Variants in PLAC9 observed in about 807,000 individuals in gnomAD.
PLAC9 encodes the protein placenta-specific protein 9.
Under a neutral mutation model 11.5 loss-of-function variants are expected in PLAC9, and 12 were observed. The ratio of observed to expected loss-of-function variants is 1.05; its 90% CI spans 0.67 to 1.69. The LOEUF (loss-of-function observed/expected upper bound fraction) is 1.69. Ranked by LOEUF, PLAC9 falls within the 40% of genes most tolerant of loss-of-function variation. The pLI is 0.00. For missense variants in PLAC9, 132 were observed against 130.5 expected (o/e 1.01, Z -0.06); for synonymous variants, 62 against 58.1 (o/e 1.07, Z -0.31).
intron 2 of PLAC9, among the ~76,000 whole-genome samples, chr10:80,143,415 T>TTTTTTTTTG (rs71034289): frequency 2.9e-5 from 2 of 70,156 alleles, no homozygotes; most frequent in African/African-American, 9.8e-5. Context: ...TTTTTTTTTT[T>TTTTTTTTTG]GAGGCAGAGT....
chr10:80,133,875 C>T (rs550045669), intron 1 of PLAC9, among the ~76,000 whole-genome samples: 120 of 143,140 alleles, frequency 8.4e-4, no homozygotes, highest in African/African-American at 2.9e-3. Context: ...ACCTGGGAGG[C>T]GGAGGTTGCA....
intron 1 of PLAC9, among the ~76,000 whole-genome samples, chr10:80,138,439 A>C (rs3851052): frequency 0.14 from 21,917 of 152,116 alleles, 2,842 homozygotes; most frequent in African/African-American, 0.35. Flanking sequence ...TTTGAAGAGT[A>C]TTTTCTAAGT....
intron 1 of PLAC9, among the ~76,000 whole-genome samples, chr10:80,140,323 C>T (rs572169359): frequency 1.5e-4 from 23 of 152,334 alleles, no homozygotes; most frequent in African/African-American, 5.3e-4. Flanking sequence ...CAAGTTTCCA[C>T]CCCCAACCTC....
At chr10:80,144,808 G>C in intron 3 of PLAC9, 92 bp from the exon 4 acceptor site, 1 of 1,313,322 alleles carries the variant, frequency 7.6e-7, no homozygotes, top group Non-Finnish European at 1.0e-6. Flanking sequence ...CCTGGGGGCC[G>C]GGGAGGGAAG....
rs773354346 is a variant in PLAC9 at position 80,144,358 on chromosome 10, T to C, written c.283+15T>C. 2.0e-5 allele frequency: 31 copies of C among 1,585,108 alleles called. No individual in the cohort carries two copies. Among genetic ancestry groups the C allele is most frequent in the Non-Finnish European group, 2.6e-5 (30 of 1,170,554 alleles). Reference sequence around the variant, plus strand: ...CCTTCTCGGAGGTGAGCAGTGCAGGTGGCAGAGGACAGCCTCTGGGCGGCT... The same window carrying C: ...CCTTCTCGGAGGTGAGCAGTGCAGGCGGCAGAGGACAGCCTCTGGGCGGCT... On this transcript the variant is annotated intron_variant, in intron 3 of 3. Transcript: ENST00000372263.
chr10:80,143,858 A>T (rs1845069083), intron 2 of PLAC9, among the ~76,000 whole-genome samples: 1 of 152,154 alleles, frequency 6.6e-6, no homozygotes, highest in African/African-American at 2.4e-5. Context: ...GAACTCAGTA[A>T]ATTTCAGAAT....
At position 80,139,013 on chromosome 10, in the gene PLAC9, G is replaced by A. The variant is rs181282445; in HGVS notation, c.65-3069G>A. Among the ~76,000 whole-genome samples the A allele has an allele frequency of 4.3e-3, 642 of 148,346 alleles. 3 individuals are homozygous for A. The highest frequency in any genetic ancestry group is 0.015 in the African/African-American group (612 of 39,790). ...GTCACCCAGGCTGGAGTGCAGTGGC[G>A]CGATCTCCACTCACTGCAAGCTCTG... On this transcript the variant is annotated intron_variant, in intron 1 of 3. Transcript: ENST00000372263.
rs1040848888 is a variant in PLAC9, at chr10:80,134,141, G to C, written c.64+1315G>C. Among the ~76,000 whole-genome samples the C allele has an allele frequency of 2.6e-5, 4 of 151,426 alleles. No homozygotes were observed. The Admixed American group carries it at 2.7e-4, about 10-fold the overall frequency. ...AGAATCATGTAATATACTTATCAAC[G>C]CTGCTTCAAGAAGTATCAGTTCATG... On this transcript the variant is annotated intron_variant, in intron 1 of 3. Coordinates refer to ENST00000372263, the MANE Select transcript of PLAC9 (RefSeq NM_001012973.3).
rs1222095234 is a variant in PLAC9, at chr10:80,143,251, G to C, written c.163-972G>C. 5.3e-5 allele frequency among the ~76,000 whole-genome samples: 8 copies of C among 150,866 alleles called. No homozygotes were observed. The East Asian group carries it at 1.6e-3, about 30-fold the overall frequency. ...CGGCTAATTTTTTGTACCTCTGGTA[G>C]AGATGGGGTTTCACCATGTTGGCCA... On this transcript the variant is annotated intron_variant, in intron 2 of 3. Transcript: ENST00000372263.
At chr10:80,136,944 A>G (rs1844986251) in intron 1 of PLAC9, among the ~76,000 whole-genome samples, 1 of 152,192 alleles carries the variant, frequency 6.6e-6, no homozygotes, top group Non-Finnish European at 1.5e-5. Context: ...AGGCTCAGGG[A>G]GCAGAAGAAA....
At chr10:80,132,951 A>C in intron 1 of PLAC9, 125 bp downstream of exon 1, 1 of 746,082 alleles carries the variant, frequency 1.3e-6, no homozygotes, top group Non-Finnish European at 1.9e-6. Context: ...AGAGAGGCAG[A>C]TGCAGGGAGG....
chr10:80,144,341 G>C lies in PLAC9; in HGVS notation c.281G>C (p.Gly94Ala). 1 of 1,600,686 alleles carries C rather than the reference G, an allele frequency of 6.2e-7. No individual in the cohort carries two copies. Among genetic ancestry groups the C allele is most frequent in the Non-Finnish European group, 8.5e-7 (1 of 1,177,454 alleles). The change falls in exon 3 of 4, where the codon GGA (glycine) becomes GCA (alanine). Residue 94 changes from glycine to alanine, a missense_variant and splice_region_variant. Physicochemically the swap from Gly to Ala is moderately conservative, Grantham distance 60. Transcript: ENST00000372263. ...GPFSPAPDLLGDGF is the reference protein window; with the variant it reads ...GPFSPAPDLLADGF ...TTCAGCCCCGCTCCCGACCTTCTCG[G>C]AGGTGAGCAGTGCAGGTGGCAGAGG...
At chr10:80,143,389 A>ATTTTTTTTTTTTTTTTTTTT (rs560963413) in intron 2 of PLAC9, among the ~76,000 whole-genome samples, 1 of 89,954 alleles carries the variant, frequency 1.1e-5, no homozygotes, top group African/African-American at 5.0e-5. Flanking sequence ...AAATACTTGA[A>ATTTTTTTTTTTTTTTTTTTT]TTTTTTTTTT....
chr10:80,131,666 C>A (rs552688803), upstream of PLAC9: 1 of 152,356 alleles, frequency 6.6e-6, no homozygotes, highest in East Asian at 1.9e-4. Flanking sequence ...GTCTCAGATT[C>A]TCGGGCTCAG....
At chr10:80,133,498 C>A (rs1844937026) in intron 1 of PLAC9, among the ~76,000 whole-genome samples, 1 of 152,238 alleles carries the variant, frequency 6.6e-6, no homozygotes, top group Non-Finnish European at 1.5e-5. Flanking sequence ...GCCACCGATT[C>A]ACCTGCCAGG....
At chr10:80,135,321 CTTT>C (rs139336508) in intron 1 of PLAC9, among the ~76,000 whole-genome samples, 10 of 67,316 alleles carry the variant, frequency 1.5e-4, no homozygotes, top group African/African-American at 6.4e-4. Context: ...TGCGCCCGGC[CTTT>C]TTTTTTTTTT....
chr10:80,140,926 G>C (rs1224559207), intron 1 of PLAC9, among the ~76,000 whole-genome samples: 4 of 152,020 alleles, frequency 2.6e-5, no homozygotes, highest in African/African-American at 9.7e-5. Context: ...CCCTCTTCTT[G>C]GCCTCATGAG....
intron 1 of PLAC9, among the ~76,000 whole-genome samples, chr10:80,138,374 A>T (rs1285975935): frequency 1.3e-5 from 2 of 152,208 alleles, no homozygotes; most frequent in Non-Finnish European, 2.9e-5. Flanking sequence ...AAATAACCAA[A>T]GGGCCATTAT....
Position 80,142,966 on chromosome 10 carries a change from G to T in PLAC9, c.162+787G>T, listed in dbSNP as rs1487261935. On this transcript the variant is annotated intron_variant, in intron 2 of 3. Transcript: ENST00000372263. Reference sequence around the variant, plus strand: ...TCGAACTCCTGAGCTCAAGCCATCTGCCCACCTCGGCCTCCCAAGGTGCTG... The same window carrying T: ...TCGAACTCCTGAGCTCAAGCCATCTTCCCACCTCGGCCTCCCAAGGTGCTG... 7.2e-5 allele frequency among the ~76,000 whole-genome samples: 11 copies of T among 152,200 alleles called. 2 individuals carry two copies. The East Asian group carries it at 1.9e-3, about 27-fold the overall frequency.
Sources: allele counts gnomAD v4.1 joint callset (sites outside exome capture counted in the v4.1 genomes callset), GRCh38; gene constraint gnomAD v4.1.1; transcripts MANE v1.5; gene names NCBI Gene and HGNC (gene_info 2026-07-23, HGNC 2026-07-21).